The following PARPBP variants were observed in gnomAD, a reference collection of about 807,000 sequenced individuals.
PARPBP encodes PCNA-interacting partner.
Under a neutral mutation model 50.0 loss-of-function variants are expected in PARPBP, and 52 were observed. The observed-to-expected ratio is 1.04, with a 90% CI of 0.83 to 1.31. The LOEUF (loss-of-function observed/expected upper bound fraction) is 1.31. PARPBP is among the 50% of genes most tolerant of loss of function. PARPBP has a pLI of 0.00. For missense variants in PARPBP, 697 were observed against 672.0 expected (o/e 1.04, Z -0.41); for synonymous variants, 244 against 232.1 (o/e 1.05, Z -0.47).
intron 2 of PARPBP, among the ~76,000 whole-genome samples, chr12:102,136,745 G>T (rs150386078): frequency 7.6e-4 from 115 of 152,268 alleles, no homozygotes; most frequent in African/African-American, 2.8e-3. Flanking sequence ...TTCCACATAA[G>T]AGTTAGCTTA....
intron 9 of PARPBP, among the ~76,000 whole-genome samples, chr12:102,186,391 C>A (rs1024554889): frequency 1.3e-5 from 2 of 151,880 alleles, no homozygotes; most frequent in African/African-American, 2.4e-5. Flanking sequence ...CTTTTCTAGT[C>A]CCATAAGATG....
chr12:102,191,944 TACAC>T (rs1890827793), intron 9 of PARPBP, among the ~76,000 whole-genome samples: 1 of 152,144 alleles, frequency 6.6e-6, no homozygotes, highest in Non-Finnish European at 1.5e-5. Flanking sequence ...CCAAATCAAA[TACAC>T]AGAGAGATTT....
chr12:102,182,687 A>G (rs1360871960), intron 9 of PARPBP, 60 bp downstream of exon 9: 1 of 1,119,238 alleles, frequency 8.9e-7, no homozygotes, highest in Non-Finnish European at 1.3e-6. Flanking sequence ...GAAGAAATAA[A>G]TACATGAAGC....
intron 4 of PARPBP, among the ~76,000 whole-genome samples, chr12:102,160,282 C>A (rs918237772): frequency 6.6e-6 from 1 of 152,180 alleles, no homozygotes; most frequent in Admixed American, 6.5e-5. Context: ...CATCACAGAT[C>A]AGAAGGACAA....
At chr12:102,131,895 A>C (rs1882909163) in intron 2 of PARPBP, among the ~76,000 whole-genome samples, 2 of 152,174 alleles carry the variant, frequency 1.3e-5, no homozygotes, top group Non-Finnish European at 2.9e-5. Context: ...ACTTGGCTTA[A>C]TACCGGGGTG....
In PARPBP at chr12:102,123,881, T is replaced by G; in HGVS notation, c.-3-5T>G. On this transcript the variant is annotated splice_region_variant and splice_polypyrimidine_tract_variant and intron_variant, in intron 1 of 10. Coordinates refer to ENST00000327680, the MANE Select transcript of PARPBP (RefSeq NM_017915.5). ...CTTTAACTTTGTATTCTGTCCTACT[T>G]TAAGATAATGGCTGTGTTTAATCAG... 6.5e-7 allele frequency: 1 copy of G among 1,531,526 alleles called. No homozygotes were observed. The allele number at this position is 1,531,526 out of a possible 1,614,324, so 94.9% of individuals were successfully genotyped here.
chr12:102,172,725 T>A (rs1331422357), intron 6 of PARPBP, among the ~76,000 whole-genome samples: 1 of 152,092 alleles, frequency 6.6e-6, no homozygotes, highest in African/African-American at 2.4e-5. Context: ...GAAAAGGAGG[T>A]CAAAGGTGAC....
chr12:102,141,001 G>A (rs951335928), intron 2 of PARPBP, among the ~76,000 whole-genome samples: 6 of 152,142 alleles, frequency 3.9e-5, no homozygotes, highest in Non-Finnish European at 7.4e-5. Flanking sequence ...TATTAGGTCC[G>A]CTTGGTGCAG....
intron 8 of PARPBP, 124 bp downstream of exon 8, chr12:102,178,894 T>C: frequency 1.7e-6 from 1 of 581,556 alleles, no homozygotes; most frequent in Non-Finnish European, 2.9e-6. Context: ...TAAAAGTTAA[T>C]TAAAGGGAGA....
At chr12:102,194,507 A>G (rs990415915) in intron 9 of PARPBP, among the ~76,000 whole-genome samples, 1 of 151,898 alleles carries the variant, frequency 6.6e-6, no homozygotes, top group Non-Finnish European at 1.5e-5. Flanking sequence ...TTCTATCCCC[A>G]ATAGCTCACT....
rs12578887 is a variant in PARPBP, at chr12:102,139,560, A to C, written c.154-8670A>C. Among the ~76,000 whole-genome samples the C allele has an allele frequency of 1.1e-3, 169 of 152,268 alleles. 1 individual carries two copies. The East Asian group carries it at 0.028, about 25-fold the overall frequency. The stretch of plus-strand genomic sequence containing the variant: ...GAGAGAGGGCATCCCTGTCTTGTGC[A>C]AGTTTTCAAAGGGAATGCTTCCAGT... On this transcript the variant is annotated intron_variant, in intron 2 of 10. Transcript: ENST00000327680.
intron 6 of PARPBP, among the ~76,000 whole-genome samples, chr12:102,172,967 T>A (rs1004224329): frequency 6.6e-6 from 1 of 152,232 alleles, no homozygotes; most frequent in Non-Finnish European, 1.5e-5. Flanking sequence ...CTACTCAGAC[T>A]TCTGATTACA....
chr12:102,124,669 A>C (rs1286511884), intron 2 of PARPBP, among the ~76,000 whole-genome samples: 2 of 152,216 alleles, frequency 1.3e-5, no homozygotes, highest in Admixed American at 1.3e-4. Context: ...AGAAGGGTTC[A>C]GGGGAATCAA....
rs1340831413 is a variant in PARPBP, at chr12:102,164,602, C to G, written c.660C>G (p.Ile220Met). 1.9e-6 allele frequency: 3 copies of G among 1,612,932 alleles called. No individual in the cohort carries two copies. The highest frequency in any genetic ancestry group is 2.5e-6 in the Non-Finnish European group (3 of 1,179,246). The change falls in exon 5 of 11, where the codon ATC becomes ATG. Residue 220 changes from isoleucine to methionine, a missense_variant. By Grantham distance (10) the Ile-to-Met change is conservative. Transcript: ENST00000327680. Reference protein sequence around the residue: ...KHAAREKQMSIFLVATSFIRT... With the variant: ...KHAAREKQMSMFLVATSFIRT... ...CTGCTCGAGAGAAACAAATGTCTAT[C>G]TTTTTGGTATGGTTGTGTGACATGT...
intron 2 of PARPBP, among the ~76,000 whole-genome samples, chr12:102,133,952 A>G (rs1159135339): frequency 6.6e-6 from 1 of 152,122 alleles, no homozygotes; most frequent in African/African-American, 2.4e-5. Context: ...AACTTATGGG[A>G]TAGAGCAAAA....
intron 2 of PARPBP, among the ~76,000 whole-genome samples, chr12:102,138,886 T>C (rs1450006304): frequency 2.0e-5 from 3 of 152,252 alleles, no homozygotes; most frequent in Non-Finnish European, 4.4e-5. Flanking sequence ...TTTTGGTTAC[T>C]GTAGCCTTGT....
chr12:102,148,512 CTA>C (rs1885740078), intron 3 of PARPBP, 49 bp downstream of exon 3: 1 of 721,390 alleles, frequency 1.4e-6, no homozygotes, highest in African/African-American at 1.9e-5. Flanking sequence ...AAATTTAGCT[CTA>C]TTTATTTTGA....
intron 1 of PARPBP, 157 bp downstream of exon 1, chr12:102,120,443 TG>T (rs778454749): frequency 2.2e-6 from 1 of 456,526 alleles, no homozygotes; most frequent in South Asian, 1.5e-5. Context: ...CGAGCCTGGT[TG>T]GGCCTGGGGG....
At chr12:102,139,467 C>G (rs1884204499) in intron 2 of PARPBP, among the ~76,000 whole-genome samples, 1 of 152,086 alleles carries the variant, frequency 6.6e-6, no homozygotes. Flanking sequence ...AAATGAATAC[C>G]CTTTATTTCT....
Sources: gnomAD v4.1 joint callset for allele counts (sites outside exome capture counted in the v4.1 genomes callset) on GRCh38, gnomAD v4.1.1 for gene constraint, MANE v1.5 for transcripts, NCBI Gene and HGNC (gene_info 2026-07-23, HGNC 2026-07-21) for gene names.